The following ADARB2 variants were observed in gnomAD, a reference collection of about 807,000 sequenced individuals.
The protein encoded by ADARB2 is inactive double-stranded RNA-specific editase B2.
ADARB2 carries 25 observed loss-of-function variants against 62.2 expected under a neutral mutation model. That is an observed-to-expected ratio of 0.40 (90% CI 0.29 to 0.56). The LOEUF is 0.56. ADARB2 is among the 20% of genes least tolerant of loss of function. The pLI is 0.43. For missense variants in ADARB2, 1,071 were observed against 1,077.4 expected, an observed-to-expected ratio of 0.99 and a Z score of 0.08; for synonymous variants, 572 against 500.8, an observed-to-expected ratio of 1.14 and a Z score of -1.90.
At chr10:1,683,883 A>T (rs1405161873) in intron 1 of ADARB2, among the ~76,000 whole-genome samples, 2 of 152,198 alleles carry the variant, frequency 1.3e-5, no homozygotes, top group African/African-American at 4.8e-5. Context: ...GACTCTGTAA[A>T]CGGAGCCTCC....
intron 3 of ADARB2, among the ~76,000 whole-genome samples, chr10:1,332,818 G>T (rs1477191756): frequency 6.6e-6 from 1 of 152,190 alleles, no homozygotes; most frequent in Non-Finnish European, 1.5e-5. Flanking sequence ...CATGTGATTT[G>T]TTTGACTAAA....
intron 1 of ADARB2, among the ~76,000 whole-genome samples, chr10:1,495,967 C>A (rs1163742317): frequency 6.6e-6 from 1 of 151,858 alleles, no homozygotes; most frequent in Non-Finnish European, 1.5e-5. Flanking sequence ...TCATCACCAT[C>A]ATTGCCATGA....
intron 3 of ADARB2, among the ~76,000 whole-genome samples, chr10:1,328,927 G>T (rs1225713318): frequency 7.0e-6 from 1 of 142,328 alleles, no homozygotes; most frequent in East Asian, 2.1e-4. Flanking sequence ...AGGTGGGAAA[G>T]TCAAGGCTGC....
chr10:1,310,486 C>T (rs1935193117), intron 3 of ADARB2, among the ~76,000 whole-genome samples: 1 of 152,096 alleles, frequency 6.6e-6, no homozygotes. Context: ...AAGAATCCAT[C>T]TAAACCTACT....
chr10:1,733,126 T>C (rs958176637), intron 1 of ADARB2, among the ~76,000 whole-genome samples: 1 of 152,232 alleles, frequency 6.6e-6, no homozygotes, highest in Non-Finnish European at 1.5e-5. Flanking sequence ...CCCCGGATGA[T>C]TGCGGATCCT....
At chr10:1,344,206 G>C (rs1832057649) in intron 3 of ADARB2, among the ~76,000 whole-genome samples, 1 of 152,122 alleles carries the variant, frequency 6.6e-6, no homozygotes, top group Non-Finnish European at 1.5e-5. Flanking sequence ...AATTCTACCG[G>C]CATCCGATTT....
intron 1 of ADARB2, among the ~76,000 whole-genome samples, chr10:1,669,665 CACAA>C (rs1176159830): frequency 6.6e-6 from 1 of 151,054 alleles, no homozygotes; most frequent in Non-Finnish European, 1.5e-5. Flanking sequence ...CACAGGGAGA[CACAA>C]ACACACACAG....
rs530632772 is a variant in ADARB2, at chr10:1,645,602, C to T, written c.100+91449G>A. Among the ~76,000 whole-genome samples the T allele has an allele frequency of 8.3e-4, 127 of 152,294 alleles. No individual in the cohort carries two copies. In the Middle Eastern group the frequency reaches 0.01, roughly 12 times the overall value. On this transcript the variant is annotated intron_variant, in intron 1 of 9. Transcript: ENST00000381312. The stretch of plus-strand genomic sequence containing the variant: ...AGTCACACAAAACCAAAACTCACAC[C>T]GTCAGTGTATTTAAACGTACATCTA...
chr10:1,311,273 G>T (rs1831688004), intron 3 of ADARB2, among the ~76,000 whole-genome samples: 1 of 152,226 alleles, frequency 6.6e-6, no homozygotes, highest in African/African-American at 2.4e-5. Flanking sequence ...AGGCACTTGT[G>T]GTGCTGCTGA....
At chr10:1,495,335 C>G (rs548635051) in intron 1 of ADARB2, among the ~76,000 whole-genome samples, 4 of 152,148 alleles carry the variant, frequency 2.6e-5, no homozygotes, top group African/African-American at 7.2e-5. Context: ...AAGTAGTTCA[C>G]GTTCACATTT....
chr10:1,465,877 G>A (rs912827500), intron 1 of ADARB2, among the ~76,000 whole-genome samples: 4 of 152,212 alleles, frequency 2.6e-5, no homozygotes, highest in African/African-American at 4.8e-5. Flanking sequence ...GCGCTGACTC[G>A]TCTTTCAGAG....
chr10:1,717,941 A>C (rs1357037721), intron 1 of ADARB2, among the ~76,000 whole-genome samples: 1 of 152,166 alleles, frequency 6.6e-6, no homozygotes, highest in Non-Finnish European at 1.5e-5. Flanking sequence ...GCATATGAAA[A>C]ACTTTTAAAC....
At chr10:1,553,348 C>T (rs1055303973) in intron 1 of ADARB2, among the ~76,000 whole-genome samples, 1 of 152,138 alleles carries the variant, frequency 6.6e-6, no homozygotes, top group Non-Finnish European at 1.5e-5. Flanking sequence ...CTTCTGGCAC[C>T]GGGCGCCTTC....
At chr10:1,428,578 C>T (rs971081509) in intron 1 of ADARB2, among the ~76,000 whole-genome samples, 15 of 152,102 alleles carry the variant, frequency 9.9e-5, no homozygotes, top group African/African-American at 1.4e-4. Context: ...TGAACCACCA[C>T]GCCCAGCCTT....
intron 3 of ADARB2, among the ~76,000 whole-genome samples, chr10:1,323,366 A>G (rs948437486): frequency 6.6e-6 from 1 of 152,188 alleles, no homozygotes; most frequent in African/African-American, 2.4e-5. Flanking sequence ...CACAGATTGG[A>G]AGACTGAAAT....
chr10:1,659,595 G>A (rs1190013335), intron 1 of ADARB2, among the ~76,000 whole-genome samples: 2 of 152,230 alleles, frequency 1.3e-5, no homozygotes, highest in African/African-American at 2.4e-5. Flanking sequence ...GGAATACAAC[G>A]CCTTTGTCTC....
chr10:1,288,248 T>C (rs1477064596), intron 3 of ADARB2, among the ~76,000 whole-genome samples: 1 of 152,226 alleles, frequency 6.6e-6, no homozygotes, highest in Non-Finnish European at 1.5e-5. Flanking sequence ...GAATTTATTG[T>C]GCAAGGCACT....
intron 1 of ADARB2, among the ~76,000 whole-genome samples, chr10:1,423,926 G>C (rs1484248219): frequency 6.6e-6 from 1 of 151,918 alleles, no homozygotes; most frequent in Admixed American, 6.5e-5. Flanking sequence ...GTATGCAGTA[G>C]GTCCACCATG....
chr10:1,375,863 T>C (rs1391661360), intron 2 of ADARB2, among the ~76,000 whole-genome samples: 1 of 136,836 alleles, frequency 7.3e-6, no homozygotes, highest in Non-Finnish European at 1.5e-5. Context: ...CACATGCACA[T>C]GACACACATG....
Sources: allele counts gnomAD v4.1 joint callset (sites outside exome capture counted in the v4.1 genomes callset), GRCh38; gene constraint gnomAD v4.1.1; transcripts MANE v1.5; gene names NCBI Gene and HGNC (gene_info 2026-07-23, HGNC 2026-07-21).